The following TUBGCP2 variants were observed in gnomAD, a reference collection of about 807,000 sequenced individuals.
TUBGCP2 encodes tubulin gamma complex component 2.
TUBGCP2 carries 55 observed loss-of-function variants against 92.2 expected under a neutral mutation model. The observed-to-expected ratio is 0.60, with a 90% confidence interval of 0.48 to 0.75. The LOEUF is 0.75. Among genes scored for constraint, TUBGCP2 ranks in the 30% least tolerant of loss-of-function variants. TUBGCP2 has a pLI of 0.00. For synonymous variants in TUBGCP2, 533 were observed against 505.2 expected, an observed-to-expected ratio of 1.06 and a Z score of -0.74; for missense variants, 1,093 against 1,188.9, an observed-to-expected ratio of 0.92 and a Z score of 1.19.
upstream of TUBGCP2, chr10:133,310,497 C>G: frequency 1.6e-6 from 1 of 622,750 alleles, no homozygotes; most frequent in Non-Finnish European, 2.7e-6. Flanking sequence ...AGGGGAGCCC[C>G]TGGCTGCCCA....
chr10:133,293,376 G>C (rs766934099), intron 6 of TUBGCP2, 138 bp from the exon 7 acceptor site: 10 of 1,233,702 alleles, frequency 8.1e-6, no homozygotes, highest in Non-Finnish European at 1.1e-5. Flanking sequence ...TTTTGCCCCA[G>C]GAGGAGATGA....
In TUBGCP2 at chr10:133,283,173, T is replaced by A; in HGVS notation, c.2194A>T (p.Thr732Ser). ...GTGAGCATGCAGTCCTTCAGGCAGGTGTCCAGGAAGCCTGTGTGGTGGCCA... is the reference window on the plus strand; with the variant it reads ...GTGAGCATGCAGTCCTTCAGGCAGGAGTCCAGGAAGCCTGTGTGGTGGCCA... Reference protein sequence around the residue: ...VLGHHTGFLDTCLKDCMLTNP... With the variant: ...VLGHHTGFLDSCLKDCMLTNP... Residue 732 changes from threonine (T) to serine (S), a missense_variant, in exon 15 of 18, where the codon ACC becomes TCC. Transcript: ENST00000252936. The A allele has an allele frequency of 6.2e-7, 1 of 1,614,206 alleles. No homozygotes were observed.
At chr10:133,312,263 T>C (rs1362322247), upstream of TUBGCP2, 2 of 1,324,230 alleles carry the variant, frequency 1.5e-6, no homozygotes, top group African/African-American at 3.0e-5. Context: ...CCGTCTGCCT[T>C]TCTAGCATGA....
upstream of TUBGCP2, chr10:133,309,322 G>A: frequency 1.3e-6 from 2 of 1,550,926 alleles, no homozygotes; most frequent in South Asian, 1.2e-5. Flanking sequence ...CACGGGTGTG[G>A]GCGAGGCCTG....
In TUBGCP2 at chr10:133,285,787, T is replaced by C. The variant is rs573351242; in HGVS notation, c.1723-159A>G. Among the ~76,000 whole-genome samples the C allele has an allele frequency of 1.1e-4, 16 of 152,128 alleles. No individual in the cohort carries two copies. The highest frequency in any genetic ancestry group is 2.4e-4 in the Non-Finnish European group (16 of 68,034). The stretch of plus-strand genomic sequence containing the variant: ...GCTTTTCAAAAACCCAAACATCTAC[T>C]GATAAATCAAATTCAAAACTGAACC... On this transcript the variant is annotated intron_variant, in intron 11 of 17. Coordinates refer to ENST00000252936, the MANE Select transcript of TUBGCP2 (RefSeq NM_006659.4). The surrounding 1 kb of genome is among the most constrained non-coding windows in gnomAD (Gnocchi z 6.8).
intron 4 of TUBGCP2, among the ~76,000 whole-genome samples, 184 bp downstream of exon 4, chr10:133,299,243 T>C (rs1589834138): frequency 6.6e-6 from 1 of 152,154 alleles, no homozygotes; most frequent in South Asian, 2.1e-4. Context: ...ACTAAACATA[T>C]AGAGCTAGGT....
intron 5 of TUBGCP2, chr10:133,296,079 AC>A (rs1847481527): frequency 6.6e-6 from 1 of 152,282 alleles, no homozygotes; most frequent in Non-Finnish European, 1.5e-5. Flanking sequence ...CTGCACCCTG[AC>A]CTGAGAGCTG....
rs767502621 is a variant in TUBGCP2 at position 133,281,399 on chromosome 10, G to C, written c.2447C>G (p.Ser816Cys). The change falls in exon 17 of 18, where the codon TCC becomes TGC. Residue 816 changes from serine to cysteine, a missense_variant. Ser to Cys is a moderately radical substitution (Grantham distance 112, BLOSUM62 -1). Coordinates refer to ENST00000252936, the MANE Select transcript of TUBGCP2 (RefSeq NM_006659.4). ...AEHADTVQLVSGFEATINKFD... is the reference protein window; with the variant it reads ...AEHADTVQLVCGFEATINKFD... ...CTTGTTGATGGTGGCCTCGAAGCCG[G>C]ACACCAGCTGCACAGTGTCTGCGTG... 5 of 1,613,486 alleles carry C rather than the reference G, an allele frequency of 3.1e-6. No individual in the cohort carries two copies. The highest frequency in any genetic ancestry group is 3.4e-6 in the Non-Finnish European group (4 of 1,180,032).
intron 16 of TUBGCP2, 67 bp from the exon 17 acceptor site, chr10:133,281,503 G>A: frequency 1.3e-6 from 2 of 1,565,100 alleles, no homozygotes; most frequent in East Asian, 2.3e-5. Context: ...GCTCCACACT[G>A]TTCCCAGCAG....
Position 133,285,386 on chromosome 10 carries a change from C to A in TUBGCP2, c.1895+70G>T. 1 of 1,605,486 alleles carries A rather than the reference C, an allele frequency of 6.2e-7. No individual in the cohort carries two copies. Among genetic ancestry groups the A allele is most frequent in the Non-Finnish European group, 8.5e-7 (1 of 1,176,694 alleles). ...CCTCTGTGGGACGAGGTGGCCACCG[C>A]GTGGCACAGTTCTCGCTTCTGCCAA... On this transcript the variant is annotated intron_variant, in intron 12 of 17. Transcript: ENST00000252936. The surrounding 1 kb of genome is among the most constrained non-coding windows in gnomAD (Gnocchi z 6.8).
In TUBGCP2 at chr10:133,283,860, T is replaced by C. The variant is rs775342938; in HGVS notation, c.2145+22A>G. On this transcript the variant is annotated intron_variant, in intron 14 of 17. Coordinates refer to ENST00000252936, the MANE Select transcript of TUBGCP2 (RefSeq NM_006659.4). The stretch of plus-strand genomic sequence containing the variant: ...AAGGAAAGTGGCTTTCAAACGTTAT[T>C]ATCTGTGGAGCTAAAACTCACGGAT... The C allele has an allele frequency of 4.3e-6, 7 of 1,612,620 alleles. No homozygotes were observed. The South Asian group carries it at 6.6e-5, about 15-fold the overall frequency.
intron 5 of TUBGCP2, among the ~76,000 whole-genome samples, chr10:133,294,464 C>T (rs951261885): frequency 1.3e-5 from 2 of 152,244 alleles, no homozygotes; most frequent in African/African-American, 2.4e-5. Flanking sequence ...GTACAACAGG[C>T]TTTCGGTTTA....
At chr10:133,305,332 T>C (rs1564774989) in intron 1 of TUBGCP2, among the ~76,000 whole-genome samples, 1 of 152,210 alleles carries the variant, frequency 6.6e-6, no homozygotes. Context: ...AAGGGCCCCA[T>C]GTCTGGTGGA....
intron 2 of TUBGCP2, 166 bp downstream of exon 2, chr10:133,302,626 G>A: frequency 2.6e-6 from 2 of 780,374 alleles, no homozygotes; most frequent in South Asian, 1.8e-5. Context: ...ACCCAGGGGT[G>A]GGCTCACCCT....
At chr10:133,280,024 G>A in intron 17 of TUBGCP2, 123 bp from the exon 18 acceptor site, 1 of 1,427,440 alleles carries the variant, frequency 7.0e-7, no homozygotes, top group Non-Finnish European at 9.4e-7. Context: ...GTGCTGGGCA[G>A]CAGGGGTGAG....
chr10:133,291,095 G>T, intron 8 of TUBGCP2: 1 of 272,512 alleles, frequency 3.7e-6, no homozygotes, highest in Non-Finnish European at 7.0e-6. Context: ...TTAATGTCCT[G>T]CACACAAAAG....
In TUBGCP2 at chr10:133,299,521, T is replaced by C. The variant is rs1308162592; in HGVS notation, c.362A>G (p.Asn121Ser). The change falls in exon 4 of 18, where the codon AAC becomes AGC. Residue 121 changes from asparagine (N) to serine (S), a missense_variant. Asn to Ser is a conservative substitution (Grantham distance 46, BLOSUM62 1). This residue lies in a region of TUBGCP2 where 490 missense variants were observed against 488.5 expected (regional missense o/e 1.00). Transcript: ENST00000252936. ...AAVGSSTTSI[N>S]VPAAASKISM... is the part of the protein sequence containing the mutation. ...GATCTTGGAGGCCGCGGCAGGGACG[T>C]TGATGCTGGTGGTACTGCTGCCCAC... The C allele has an allele frequency of 1.9e-6, 3 of 1,613,914 alleles. No individual in the cohort carries two copies. Among genetic ancestry groups the C allele is most frequent in the East Asian group, 2.2e-5 (1 of 44,886 alleles).
intron 17 of TUBGCP2, among the ~76,000 whole-genome samples, chr10:133,280,631 C>T (rs1411357532): frequency 6.6e-6 from 1 of 152,224 alleles, no homozygotes; most frequent in African/African-American, 2.4e-5. Context: ...GAGAGCTGGG[C>T]TAGCCTGACT....
In TUBGCP2 at chr10:133,291,766, G is replaced by A. The variant is rs140311966; in HGVS notation, c.1214+733C>T. 8.8e-4 allele frequency among the ~76,000 whole-genome samples: 22 copies of A among 24,948 alleles called. 1 individual carries two copies. Among genetic ancestry groups the A allele is most frequent in the Non-Finnish European group, 1.1e-3 (15 of 13,616 alleles). 16.4% of individuals were successfully genotyped at this position (24,948 alleles called of 152,430 possible). A position where few individuals can be genotyped will look rare whatever the true frequency, so the allele number is the denominator to read the frequency against. ...GTGTCCCTCCGTGTCCCCGTGTCCC[G>A]GGGAGCCCTACCTGTACGGGAGAGG... On this transcript the variant is annotated intron_variant, in intron 8 of 17. Transcript: ENST00000252936.
Sources: allele counts gnomAD v4.1 joint callset (sites outside exome capture counted in the v4.1 genomes callset), GRCh38; gene constraint gnomAD v4.1.1; regional missense constraint gnomAD v4.1.1; non-coding constraint Gnocchi (gnomAD v3.1); transcripts MANE v1.5; gene names NCBI Gene and HGNC (gene_info 2026-07-23, HGNC 2026-07-21).